Variants in CIRSR observed in about 807,000 individuals in gnomAD.
CIRSR encodes CBF1 (RBPJ) interacting corepressor 1.
At chr2:174,356,983 T>C in the CIRSR span, among the ~76,000 whole-genome samples, 1 of 152,188 alleles carries the variant, frequency 6.6e-6, no homozygotes, top group Non-Finnish European at 1.5e-5. Context: ...CTTCTCAACA[T>C]TGATAATTTT....
At chr2:174,378,898 G>A in the CIRSR span, 49 of 1,499,144 alleles carry the variant, frequency 3.3e-5, no homozygotes, top group East Asian at 4.5e-5. Flanking sequence ...GTCCTCTCCC[G>A]AAACAAATCA....
chr2:174,354,735 TA>T, the CIRSR span, among the ~76,000 whole-genome samples: 1 of 105,744 alleles, frequency 9.5e-6, no homozygotes, highest in Non-Finnish European at 1.8e-5. Flanking sequence ...ATATAATATA[TA>T]TTTTACATAT....
chr2:174,383,395 A>G, the CIRSR span, among the ~76,000 whole-genome samples: 1 of 152,174 alleles, frequency 6.6e-6, no homozygotes, highest in Non-Finnish European at 1.5e-5. Context: ...AAACAGGTGT[A>G]TAAGTTACAT....
At chr2:174,354,483 TTA>T in the CIRSR span, among the ~76,000 whole-genome samples, 1 of 80,674 alleles carries the variant, frequency 1.2e-5, no homozygotes, top group African/African-American at 4.7e-5. Flanking sequence ...ATAATATATA[TTA>T]TATTATATAA....
At chr2:174,369,763 A>C in the CIRSR span, among the ~76,000 whole-genome samples, 1 of 152,226 alleles carries the variant, frequency 6.6e-6, no homozygotes, top group South Asian at 2.1e-4. Context: ...CAGAATACAC[A>C]AAATGTTTAT....
chr2:174,362,991 G>C, the CIRSR span, among the ~76,000 whole-genome samples: 1 of 152,046 alleles, frequency 6.6e-6, no homozygotes. Context: ...GAAGACCAAA[G>C]AACAATCTCC....
chr2:174,354,446 TTATATA>T, the CIRSR span, among the ~76,000 whole-genome samples: 1 of 15,170 alleles, frequency 6.6e-5, no homozygotes, highest in Non-Finnish European at 2.0e-4. Flanking sequence ...ATATAATATA[TTATATA>T]ATATAATATA....
At chr2:174,379,716 C>CTTTTTTT in the CIRSR span, among the ~76,000 whole-genome samples, 65 of 83,754 alleles carry the variant, frequency 7.8e-4, no homozygotes, top group South Asian at 1.1e-3. Context: ...TGATTCCTGT[C>CTTTTTTT]TTTTTTTTTT....
chr2:174,369,773 T>C, the CIRSR span, among the ~76,000 whole-genome samples: 1 of 152,202 alleles, frequency 6.6e-6, no homozygotes, highest in African/African-American at 2.4e-5. Flanking sequence ...AAAATGTTTA[T>C]CCATTAAGTT....
the CIRSR span, among the ~76,000 whole-genome samples, chr2:174,388,322 C>CTA: frequency 6.6e-6 from 1 of 152,188 alleles, no homozygotes; most frequent in African/African-American, 2.4e-5. Flanking sequence ...CCTCAGCCTC[C>CTA]GGAGTAGCTG....
At chr2:174,380,191 G>A in the CIRSR span, 3 of 1,568,874 alleles carry the variant, frequency 1.9e-6, no homozygotes, top group Middle Eastern at 1.8e-4. Context: ...AGTAAAATAT[G>A]TGTCACTTGC....
At chr2:174,385,874 A>T in the CIRSR span, among the ~76,000 whole-genome samples, 1 of 152,340 alleles carries the variant, frequency 6.6e-6, no homozygotes, top group East Asian at 1.9e-4. Context: ...AATGATAGAA[A>T]TAGAAAATAA....
At chr2:174,370,164 G>A in the CIRSR span, 3 of 957,160 alleles carry the variant, frequency 3.1e-6, no homozygotes, top group East Asian at 1.8e-4. Context: ...AGGAGAGCTA[G>A]CACTCCCAGC....
chr2:174,379,662 A>G, the CIRSR span, among the ~76,000 whole-genome samples: 31 of 152,012 alleles, frequency 2.0e-4, no homozygotes, highest in African/African-American at 7.0e-4. Context: ...AATTTTTTGA[A>G]AACTGCAGAG....
At chr2:174,395,631 T>G in the CIRSR span, 1 of 1,614,156 alleles carries the variant, frequency 6.2e-7, no homozygotes, top group South Asian at 1.1e-5. Flanking sequence ...ATCTTGGAAC[T>G]GGAACTAGGG....
the CIRSR span, among the ~76,000 whole-genome samples, chr2:174,365,620 A>T: frequency 6.6e-6 from 1 of 152,224 alleles, no homozygotes; most frequent in Non-Finnish European, 1.5e-5. Context: ...GGAGCAAGTC[A>T]CATCTTTCAT....
At chr2:174,383,634 C>T in the CIRSR span, among the ~76,000 whole-genome samples, 3 of 149,106 alleles carry the variant, frequency 2.0e-5, no homozygotes, top group African/African-American at 7.4e-5. Flanking sequence ...GCACAAAAAT[C>T]GCTTGAACCT....
At chr2:174,370,007 C>G in the CIRSR span, 4 of 1,365,238 alleles carry the variant, frequency 2.9e-6, no homozygotes, top group African/African-American at 5.9e-5. Context: ...CAATTTGTAA[C>G]ACAGCATCTG....
chr2:174,351,977 T>C, the CIRSR span: 1 of 315,356 alleles, frequency 3.2e-6, no homozygotes. Context: ...TTGAAAAAGA[T>C]ACATTTAGAT....
Sources: gnomAD v4.1 joint callset for allele counts (sites outside exome capture counted in the v4.1 genomes callset) on GRCh38, gnomAD v4.1.1 for gene constraint, MANE v1.5 for transcripts, NCBI Gene and HGNC (gene_info 2026-07-23, HGNC 2026-07-21) for gene names.